Variants in ANKRD18A observed in about 807,000 individuals in gnomAD.
The protein encoded by ANKRD18A is ankyrin repeat domain 18A.
Under a neutral mutation model 110.6 loss-of-function variants are expected in ANKRD18A, and 72 were observed. The observed-to-expected ratio is 0.65, with a 90% CI of 0.54 to 0.79. ANKRD18A has a LOEUF of 0.79. Ranked by LOEUF, ANKRD18A falls within the 30% of genes least tolerant of loss-of-function variation. The pLI is 0.00. For missense variants in ANKRD18A, 934 were observed against 1,163.3 expected (o/e 0.80, Z 2.87); for synonymous variants, 305 against 410.3 (o/e 0.74, Z 3.10).
chr9:38,599,186 C>T (rs1388139178), intron 8 of ANKRD18A, among the ~76,000 whole-genome samples: 1 of 152,132 alleles, frequency 6.6e-6, no homozygotes, highest in African/African-American at 2.4e-5. Flanking sequence ...TAGAAGATGA[C>T]TGGCAAGTGT....
chr9:38,569,721 T>A (rs536834698), downstream of ANKRD18A, among the ~76,000 whole-genome samples: 138 of 152,210 alleles, frequency 9.1e-4, 1 homozygote, highest in African/African-American at 3.2e-3. Flanking sequence ...GCTGCTCCAC[T>A]CACAGGTGCA....
At chr9:38,568,529 G>A (rs991662467), downstream of ANKRD18A, 14 of 177,006 alleles carry the variant, frequency 7.9e-5, no homozygotes, top group East Asian at 5.8e-4. Flanking sequence ...TCCATCAGCC[G>A]TCAAGTGGCA....
intron 6 of ANKRD18A, among the ~76,000 whole-genome samples, chr9:38,605,128 C>T (rs1217374810): frequency 6.6e-6 from 1 of 152,182 alleles, no homozygotes; most frequent in Non-Finnish European, 1.5e-5. Context: ...TCCCAGATGA[C>T]ATTGGACACA....
In ANKRD18A at chr9:38,611,101, T is replaced by C. The variant is rs562329009; in HGVS notation, c.602+114A>G. ...ATTATTCATGTTACTTTTTACTATA[T>C]GCCAATAATTATAAGTTTAATCTTA... is the stretch of plus-strand genomic sequence containing the variant. On this transcript the variant is annotated intron_variant, in intron 4 of 15. Transcript: ENST00000399703. The C allele has an allele frequency of 8.4e-5, 120 of 1,432,942 alleles. No individual in the cohort carries two copies. The African/African-American group carries it at 1.5e-3, about 18-fold the overall frequency. 88.8% of individuals were successfully genotyped at this position (1,432,942 alleles called of 1,614,324 possible).
At chr9:38,603,635 C>A (rs1205161042) in intron 6 of ANKRD18A, among the ~76,000 whole-genome samples, 2 of 152,022 alleles carry the variant, frequency 1.3e-5, no homozygotes, top group Non-Finnish European at 2.9e-5. Flanking sequence ...CTGCTTAAAT[C>A]GTTCTTGAAA....
chr9:38,578,830 T>C (rs1824028153), intron 12 of ANKRD18A, among the ~76,000 whole-genome samples: 1 of 152,152 alleles, frequency 6.6e-6, no homozygotes, highest in Non-Finnish European at 1.5e-5. Context: ...CTGCCGTGAA[T>C]TATGACCACA....
At chr9:38,574,867 G>A (rs1028772875) in intron 15 of ANKRD18A, among the ~76,000 whole-genome samples, 2 of 152,018 alleles carry the variant, frequency 1.3e-5, no homozygotes, top group Admixed American at 1.3e-4. Flanking sequence ...AGGCTGAGGT[G>A]GGTGGATAAC....
chr9:38,611,767 T>A (rs1825631343), intron 3 of ANKRD18A, among the ~76,000 whole-genome samples: 1 of 152,232 alleles, frequency 6.6e-6, no homozygotes, highest in African/African-American at 2.4e-5. Context: ...TCTTAAACTA[T>A]ATTTCAAAGA....
intron 14 of ANKRD18A, among the ~76,000 whole-genome samples, chr9:38,576,679 A>T (rs1364631124): frequency 6.6e-6 from 1 of 152,204 alleles, no homozygotes; most frequent in East Asian, 1.9e-4. Context: ...GTTGTGATCT[A>T]CCAAAAAATA....
At chr9:38,571,114 C>A, downstream of ANKRD18A, 1 of 1,528,292 alleles carries the variant, frequency 6.5e-7, no homozygotes, top group Admixed American at 2.0e-5. Flanking sequence ...TTGCTAGTTT[C>A]TTGGTACCTC....
intron 3 of ANKRD18A, among the ~76,000 whole-genome samples, chr9:38,612,584 C>T (rs1318706453): frequency 7.0e-6 from 1 of 143,580 alleles, no homozygotes; most frequent in East Asian, 2.1e-4. Flanking sequence ...GTGGCATGAT[C>T]TCCGCTCACT....
At chr9:38,573,064 A>C (rs1222516055) in intron 15 of ANKRD18A, 1 of 1,384,060 alleles carries the variant, frequency 7.2e-7, no homozygotes, top group Admixed American at 2.5e-5. Flanking sequence ...AAATTTAATT[A>C]ATACATTTTG....
chr9:38,606,201 C>T (rs373365076), intron 6 of ANKRD18A, among the ~76,000 whole-genome samples: 35 of 152,216 alleles, frequency 2.3e-4, no homozygotes, highest in South Asian at 1.2e-3. Context: ...CATTTGTTTA[C>T]GGTGTCAGAA....
chr9:38,618,301 C>T (rs10814723), intron 1 of ANKRD18A, among the ~76,000 whole-genome samples: 16,541 of 152,134 alleles, frequency 0.11, 990 homozygotes, highest in African/African-American at 0.12. Context: ...AAATTTTATC[C>T]TATTTTGTGC....
chr9:38,576,957 C>T (rs1823919633), intron 14 of ANKRD18A, 96 bp downstream of exon 14: 2 of 1,017,594 alleles, frequency 2.0e-6, no homozygotes, highest in Admixed American at 5.9e-5. Context: ...GCATTCACTT[C>T]CTACTGATCT....
At chr9:38,616,850 G>A (rs545895940) in intron 1 of ANKRD18A, among the ~76,000 whole-genome samples, 44 of 152,204 alleles carry the variant, frequency 2.9e-4, no homozygotes, top group African/African-American at 9.4e-4. Flanking sequence ...TTAAAGATTA[G>A]GTCACATTTT....
rs116828227 is a variant in ANKRD18A, at chr9:38,596,453, T to C, written c.937-50A>G. On this transcript the variant is annotated intron_variant, in intron 8 of 15. Coordinates refer to ENST00000399703, the MANE Select transcript of ANKRD18A (RefSeq NM_147195.4). ...AGTTAGCACTCAATAAAATAATCTATGATGGTTATTTCTGAAGTGAAAGAG... is the reference window on the plus strand; with the variant it reads ...AGTTAGCACTCAATAAAATAATCTACGATGGTTATTTCTGAAGTGAAAGAG... The C allele has an allele frequency of 1.1e-3, 1,443 of 1,333,254 alleles. 11 individuals are homozygous for C. In the African/African-American group the frequency reaches 0.02, roughly 18 times the overall value. The allele number at this position is 1,333,254 out of a possible 1,614,324, so 82.6% of individuals were successfully genotyped here. A position where few individuals can be genotyped will look rare whatever the true frequency, so the allele number is the denominator to read the frequency against.
At chr9:38,584,119 C>G (rs899661136) in intron 12 of ANKRD18A, among the ~76,000 whole-genome samples, 20 of 152,212 alleles carry the variant, frequency 1.3e-4, no homozygotes, top group Non-Finnish European at 2.4e-4. Flanking sequence ...CAGGACCCCT[C>G]TCTTTGCTGA....
chr9:38,614,743 C>G (rs536347091), intron 3 of ANKRD18A, among the ~76,000 whole-genome samples: 13 of 152,108 alleles, frequency 8.5e-5, no homozygotes, highest in Non-Finnish European at 1.8e-4. Context: ...CAAGTAAACT[C>G]AAAATCCCAG....
Sources: allele counts gnomAD v4.1 joint callset (sites outside exome capture counted in the v4.1 genomes callset), GRCh38; gene constraint gnomAD v4.1.1; transcripts MANE v1.5; gene names NCBI Gene and HGNC (gene_info 2026-07-23, HGNC 2026-07-21).